Variants in TRIP13 observed in about 807,000 individuals in gnomAD.
TRIP13 encodes the protein pachytene checkpoint protein 2 homolog.
Under a neutral mutation model 54.4 loss-of-function variants are expected in TRIP13, and 25 were observed. The ratio of observed to expected loss-of-function variants is 0.46; its 90% CI spans 0.33 to 0.64. The LOEUF (loss-of-function observed/expected upper bound fraction) is 0.64, where lower values mean the gene tolerates loss of function less well. Ranked by LOEUF, TRIP13 falls within the 30% of genes least tolerant of loss-of-function variation. TRIP13 has a pLI of 0.02. For synonymous variants in TRIP13, 207 were observed against 207.8 expected, an observed-to-expected ratio of 1.00 and a Z score of 0.03; for missense variants, 373 against 534.2, an observed-to-expected ratio of 0.70 and a Z score of 2.97.
chr5:914,720 C>CGTGTGTGT lies in TRIP13; in HGVS notation c.1133+157_1133+164dup, dbSNP rs60208703. The CGTGTGTGT allele has an allele frequency of 4.7e-5, 28 of 597,206 alleles. No individual in the cohort carries two copies. The African/African-American group carries it at 4.7e-4, about 10-fold the overall frequency. The allele number at this position is 597,206 out of a possible 1,614,324, so 37.0% of individuals were successfully genotyped here. Reference sequence around the variant, plus strand: ...ATAGGTATGAACATGCATGTACACACGTGTGTGTGTGTGTGTGTGTGCATG... The same window carrying CGTGTGTGT: ...ATAGGTATGAACATGCATGTACACACGTGTGTGTGTGTGTGTGTGTGTGTGTGTGCATG... On this transcript the variant is annotated intron_variant, in intron 11 of 12. Coordinates refer to ENST00000166345, the MANE Select transcript of TRIP13 (RefSeq NM_004237.4).
At chr5:904,069 A>T (rs1336903362) in intron 5 of TRIP13, 79 bp from the exon 6 acceptor site, 1 of 1,284,178 alleles carries the variant, frequency 7.8e-7, no homozygotes, top group African/African-American at 1.5e-5. Flanking sequence ...TATTTTATGG[A>T]TAATGGAAGT....
chr5:900,233 C>T (rs1246786940), intron 3 of TRIP13, among the ~76,000 whole-genome samples: 1 of 152,146 alleles, frequency 6.6e-6, no homozygotes, highest in Non-Finnish European at 1.5e-5. Context: ...GATAATGAGA[C>T]GTAAAGTGTA....
At position 895,776 on chromosome 5, in the gene TRIP13, T is replaced by C. The variant is rs889797269; in HGVS notation, c.258+824T>C. Among the ~76,000 whole-genome samples the C allele has an allele frequency of 5.3e-5, 8 of 152,258 alleles. No homozygotes were observed. The East Asian group carries it at 1.2e-3, about 22-fold the overall frequency. ...TGTTCTCTGACTGCAGATTCACTTG[T>C]AGGAATTTATCGTAGCTGATAATCA... is the stretch of plus-strand genomic sequence containing the variant. On this transcript the variant is annotated intron_variant, in intron 2 of 12. Transcript: ENST00000166345.
At chr5:906,224 G>C (rs1279363449) in intron 6 of TRIP13, among the ~76,000 whole-genome samples, 1 of 152,158 alleles carries the variant, frequency 6.6e-6, no homozygotes, top group Non-Finnish European at 1.5e-5. Context: ...GGGGCAGAGA[G>C]GGCAACACAA....
At chr5:893,852 C>T (rs982065601) in intron 1 of TRIP13, 2 of 153,090 alleles carry the variant, frequency 1.3e-5, no homozygotes, top group Admixed American at 1.3e-4. Context: ...CCAGAGACAC[C>T]TGCACAAAGC....
In TRIP13 at chr5:915,072, A is replaced by G. The variant is rs1375908614; in HGVS notation, c.1133+495A>G. 1.3e-5 allele frequency among the ~76,000 whole-genome samples: 2 copies of G among 152,076 alleles called. No individual in the cohort carries two copies. Among genetic ancestry groups the G allele is most frequent in the African/African-American group, 4.8e-5 (2 of 41,398 alleles). ...GCCGGAGAGGCGGGGGGTGGAATGGACAGAGCCTCGGGTTTCTGGCCAGAG... is the reference window on the plus strand; with the variant it reads ...GCCGGAGAGGCGGGGGGTGGAATGGGCAGAGCCTCGGGTTTCTGGCCAGAG... On this transcript the variant is annotated intron_variant, in intron 11 of 12. Transcript: ENST00000166345. The surrounding 1 kb of genome is among the most constrained non-coding windows in gnomAD (Gnocchi z 4.2).
intron 12 of TRIP13, 129 bp from the exon 13 acceptor site, chr5:916,879 T>G (rs1754352215): frequency 1.4e-5 from 10 of 699,030 alleles, no homozygotes; most frequent in Non-Finnish European, 4.7e-6. Flanking sequence ...GCGCACTCAC[T>G]GCTCACCTTA....
Position 904,191 on chromosome 5 carries a change from C to T in TRIP13, c.579C>T (p.Ala193=), listed in dbSNP as rs1027007438. The change falls in exon 6 of 13, where the codon GCC becomes GCT. Residue 193 remains alanine (A), a synonymous_variant. Transcript: ENST00000166345. ...TGKTSLCKAL[A]QKLTIRLSSR... is the part of the protein sequence containing the mutation. ...AAACATCCCTGTGTAAAGCGTTAGCCCAGAAATTGACAATTAGACTTTCAA... is the reference window on the plus strand; with the variant it reads ...AAACATCCCTGTGTAAAGCGTTAGCTCAGAAATTGACAATTAGACTTTCAA... 6.2e-7 allele frequency: 1 copy of T among 1,609,216 alleles called. No individual in the cohort carries two copies. The highest frequency in any genetic ancestry group is 1.3e-5 in the African/African-American group (1 of 74,568).
rs1319038114 is a variant in TRIP13 at position 904,130 on chromosome 5, C to T, written c.536-18C>T. On this transcript the variant is annotated intron_variant, in intron 5 of 12. Coordinates refer to ENST00000166345, the MANE Select transcript of TRIP13 (RefSeq NM_004237.4). ...TAGCACTGACTTAAAAATATATTTG[C>T]TTGGATCTTTGTCACAGGTCCTCCT... 9 of 1,596,454 alleles carry T rather than the reference C, an allele frequency of 5.6e-6. No homozygotes were observed. The highest frequency in any genetic ancestry group is 6.0e-6 in the Non-Finnish European group (7 of 1,175,194).
rs1372612872 is a variant in TRIP13 at position 913,736 on chromosome 5, A to G, written c.1021-729A>G. ...CACAGTGGATATTGAACTGGTCTCG[A>G]AAGCTCAATATCCCCCAAAGCACAA... On this transcript the variant is annotated intron_variant, in intron 10 of 12. Coordinates refer to ENST00000166345, the MANE Select transcript of TRIP13 (RefSeq NM_004237.4). The surrounding 1 kb of genome is among the most constrained non-coding windows in gnomAD (Gnocchi z 4.5). 1.3e-5 allele frequency among the ~76,000 whole-genome samples: 2 copies of G among 152,206 alleles called. No individual in the cohort carries two copies. The highest frequency in any genetic ancestry group is 2.9e-5 in the Non-Finnish European group (2 of 68,036).
chr5:894,154 G>A (rs1423448955), intron 1 of TRIP13, among the ~76,000 whole-genome samples: 1 of 152,182 alleles, frequency 6.6e-6, no homozygotes, highest in Non-Finnish European at 1.5e-5. Flanking sequence ...TGAGGAGCCT[G>A]TCCAGGAGGG....
At chr5:916,929 G>A in intron 12 of TRIP13, 79 bp from the exon 13 acceptor site, 1 of 1,305,242 alleles carries the variant, frequency 7.7e-7, no homozygotes. Context: ...CACTGTGGGT[G>A]GCGGCAGGGG....
chr5:895,510 A>G (rs1476129223), intron 2 of TRIP13, among the ~76,000 whole-genome samples: 9 of 152,218 alleles, frequency 5.9e-5, no homozygotes, highest in African/African-American at 2.2e-4. Flanking sequence ...ACAGCAGTAC[A>G]ATTCCTGTCC....
In TRIP13 at chr5:893,080, C is replaced by A. The variant is rs369670075; in HGVS notation, c.82C>A (p.Arg28Ser). Reference sequence around the variant, plus strand: ...AACGGTCCACGTGGAGGTGCATCAGCGCGGCAGCAGGTGAGCCGGACCTGT... The same window carrying A: ...AACGGTCCACGTGGAGGTGCATCAGAGCGGCAGCAGGTGAGCCGGACCTGT... ...SPTVHVEVHQ[R>S]GSSTAKKEDI... Residue 28 changes from arginine to serine, a missense_variant, in exon 1 of 13, where the codon CGC (arginine) becomes AGC (serine). By Grantham distance (110) the Arg-to-Ser change is moderately radical. Transcript: ENST00000166345. 50 of 1,594,846 alleles carry A rather than the reference C, an allele frequency of 3.1e-5. No individual in the cohort carries two copies. The highest frequency in any genetic ancestry group is 4.2e-5 in the Non-Finnish European group (49 of 1,176,050).
chr5:907,332 C>T lies in TRIP13; in HGVS notation c.672+139C>T. On this transcript the variant is annotated intron_variant, in intron 7 of 12. Coordinates refer to ENST00000166345, the MANE Select transcript of TRIP13 (RefSeq NM_004237.4). The surrounding 1 kb of genome is among the most constrained non-coding windows in gnomAD (Gnocchi z 4.1). The stretch of plus-strand genomic sequence containing the variant: ...TGTGAGGATTGGGGCTGACTGTGAT[C>T]AGAGAAGGTTCCGGAGCTGGGGCCC... 1.3e-6 allele frequency: 1 copy of T among 773,110 alleles called. No homozygotes were observed. The highest frequency in any genetic ancestry group is 2.1e-6 in the Non-Finnish European group (1 of 474,148). 47.9% of individuals were successfully genotyped at this position (773,110 alleles called of 1,614,324 possible). A position where few individuals can be genotyped will look rare whatever the true frequency, so the allele number is the denominator to read the frequency against.
chr5:904,228 T>C lies in TRIP13; in HGVS notation c.608+8T>C, dbSNP rs996880891. On this transcript the variant is annotated splice_region_variant and intron_variant, in intron 6 of 12. Transcript: ENST00000166345. ...AATTAGACTTTCAAGCAGGTAACTT[T>C]CGGTAATCTGTGAGAGGAGAGCCAT... is the stretch of plus-strand genomic sequence containing the variant. 5 of 1,605,594 alleles carry C rather than the reference T, an allele frequency of 3.1e-6. No homozygotes were observed. In the African/African-American group the frequency reaches 6.7e-5, roughly 22 times the overall value.
chr5:902,162 G>A (rs1754005921), intron 5 of TRIP13, among the ~76,000 whole-genome samples: 1 of 152,196 alleles, frequency 6.6e-6, no homozygotes, highest in African/African-American at 2.4e-5. Flanking sequence ...GTTCTTCTCA[G>A]GAGAAAATAC....
At position 915,758 on chromosome 5, in the gene TRIP13, G is replaced by A; in HGVS notation, c.1134-146G>A. 1 of 779,858 alleles carries A rather than the reference G, an allele frequency of 1.3e-6. No homozygotes were observed. The highest frequency in any genetic ancestry group is 2.2e-6 in the Non-Finnish European group (1 of 448,974). 48.3% of individuals were successfully genotyped at this position (779,858 alleles called of 1,614,324 possible). ...AGGGCAAGGCTCAGGAGACCAGTGA[G>A]GGGCAGGAAGTGCCCTGTGAACCCA... On this transcript the variant is annotated intron_variant, in intron 11 of 12. Transcript: ENST00000166345. The surrounding 1 kb of genome is among the most constrained non-coding windows in gnomAD (Gnocchi z 4.2).
In TRIP13 at chr5:911,055, G is replaced by A. The variant is rs1050552044; in HGVS notation, c.867-788G>A. ...TGCTCCCTGGGGGCACCTTGTGCCC[G>A]CTCTGCTGGCTCATGCTGGGTCCTT... On this transcript the variant is annotated intron_variant, in intron 9 of 12. Coordinates refer to ENST00000166345, the MANE Select transcript of TRIP13 (RefSeq NM_004237.4). The surrounding 1 kb of genome is among the most constrained non-coding windows in gnomAD (Gnocchi z 4.7). Among the ~76,000 whole-genome samples the A allele has an allele frequency of 1.3e-5, 2 of 152,244 alleles. No homozygotes were observed. The highest frequency in any genetic ancestry group is 2.4e-5 in the African/African-American group (1 of 41,474).
Sources: allele counts gnomAD v4.1 joint callset (sites outside exome capture counted in the v4.1 genomes callset), GRCh38; gene constraint gnomAD v4.1.1; non-coding constraint Gnocchi (gnomAD v3.1); transcripts MANE v1.5; gene names NCBI Gene and HGNC (gene_info 2026-07-23, HGNC 2026-07-21).